The following INF2 variants were observed in gnomAD, a reference collection of about 807,000 sequenced individuals.
INF2 encodes the protein inverted formin-2.
INF2 carries 43 observed loss-of-function variants against 123.5 expected under a neutral mutation model. That is an observed-to-expected ratio of 0.35 (90% CI 0.27 to 0.45). The LOEUF is 0.45. Among genes scored for constraint, INF2 ranks in the 20% least tolerant of loss-of-function variants. The pLI is 1.00. For missense variants in INF2, 1,453 were observed against 1,682.7 expected (o/e 0.86, Z 2.39); for synonymous variants, 851 against 745.0 (o/e 1.14, Z -2.32).
chr14:104,717,065 C>T (rs74091158), intron 22 of INF2, among the ~76,000 whole-genome samples: 3,326 of 152,324 alleles, frequency 0.022, 126 homozygotes, highest in African/African-American at 0.076. Context: ...ACCTTCTCCC[C>T]GAAATTACAA....
At position 104,712,604 on chromosome 14, in the gene INF2, G is replaced by A. The variant is rs760309052; in HGVS notation, c.2610+51G>A. ...TGGCGGGAGAGGCTGCCCTGATAGA[G>A]TGAGCTGGGCGAGTGGCTGTGCTGT... is the stretch of plus-strand genomic sequence containing the variant. On this transcript the variant is annotated intron_variant, in intron 17 of 22. Coordinates refer to ENST00000392634, the MANE Select transcript of INF2 (RefSeq NM_022489.4). The A allele has an allele frequency of 8.1e-6, 13 of 1,610,852 alleles. No individual in the cohort carries two copies. In the East Asian group the frequency reaches 2.9e-4, roughly 36 times the overall value.
intron 15 of INF2, 140 bp downstream of exon 15, chr14:104,711,326 A>G: frequency 5.2e-6 from 4 of 768,278 alleles, no homozygotes; most frequent in South Asian, 4.9e-5. Context: ...TAGAGCCAGC[A>G]GCCTCAGTCA....
Position 104,713,468 on chromosome 14 carries a change from G to A in INF2, c.2902G>A (p.Glu968Lys). The A allele has an allele frequency of 6.2e-7, 1 of 1,611,440 alleles. No homozygotes were observed. The highest frequency in any genetic ancestry group is 8.5e-7 in the Non-Finnish European group (1 of 1,179,370). ...KPVRKGPGKQEEVCVIDALLA... is the reference protein window; with the variant it reads ...KPVRKGPGKQKEVCVIDALLA... ...AGTCAGGAAGGGGCCCGGGAAGCAG[G>A]AGGAGGTGTGTGTCATCGATGCCCT... is the stretch of plus-strand genomic sequence containing the variant. The change falls in exon 20 of 23, where the codon GAG becomes AAG. Residue 968 changes from glutamate (E) to lysine (K), a missense_variant. By Grantham distance (56) the Glu-to-Lys change is moderately conservative. Around this residue, in one of 8 missense-constraint regions of INF2, gnomAD observed 212 missense variants for 266.2 expected, o/e 0.80. Transcript: ENST00000392634.
At chr14:104,697,905 C>T (rs568043290) in intron 1 of INF2, among the ~76,000 whole-genome samples, 13 of 152,034 alleles carry the variant, frequency 8.6e-5, no homozygotes, top group African/African-American at 2.7e-4. Context: ...GTGGATGGGA[C>T]GCCCCTTCTT....
intron 17 of INF2, 76 bp from the exon 18 acceptor site, chr14:104,712,752 C>T (rs917361791): frequency 4.6e-6 from 7 of 1,508,784 alleles, no homozygotes; most frequent in Non-Finnish European, 5.3e-6. Flanking sequence ...CCGTCACCCT[C>T]CCGCAACTCA....
In INF2 at chr14:104,712,441, T is replaced by C. The variant is rs575569437; in HGVS notation, c.2498T>C (p.Leu833Pro). 3.7e-5 allele frequency: 60 copies of C among 1,612,444 alleles called. 1 individual carries two copies. In the Admixed American group the frequency reaches 1.0e-3, roughly 27 times the overall value. Reference sequence around the variant, plus strand: ...CCCTCCTCACCTTTCAGGATCAACCTGGAGATCATCCGCTCAGAGGCCAGC... The same window carrying C: ...CCCTCCTCACCTTTCAGGATCAACCCGGAGATCATCCGCTCAGAGGCCAGC... ...EQPSQAAGIN[L>P]EIIRSEASSN... Residue 833 changes from leucine (L) to proline (P), a missense_variant, in exon 17 of 23, where the codon CTG becomes CCG. Around this residue, in one of 8 missense-constraint regions of INF2, gnomAD observed 212 missense variants for 266.2 expected, o/e 0.80. Transcript: ENST00000392634.
chr14:104,699,251 G>GGACATGC lies in INF2; in HGVS notation c.-9-2106_-9-2105insGACATGC. ...TCTGGATGCCAGGGGCCGGGCCTGG[G>GGACATGC]AGAGTTCATAACTCCGTCCACTCAG... On this transcript the variant is annotated intron_variant, in intron 1 of 22. Transcript: ENST00000392634. This position sits in a 1 kb window ranked among gnomAD's most constrained non-coding sequence, Gnocchi z 4.7. 3.3e-6 allele frequency: 1 copy of GGACATGC among 307,058 alleles called. No individual in the cohort carries two copies. The highest frequency in any genetic ancestry group is 4.8e-6 in the Non-Finnish European group (1 of 209,572). 19.0% of individuals were successfully genotyped at this position (307,058 alleles called of 1,614,324 possible).
At chr14:104,705,993 G>C in intron 5 of INF2, 42 bp from the exon 6 acceptor site, 1 of 1,594,102 alleles carries the variant, frequency 6.3e-7, no homozygotes, top group Non-Finnish European at 8.6e-7. Flanking sequence ...CGTGTTGGTG[G>C]TGGCAGCAGC....
chr14:104,703,318 C>T lies in INF2; in HGVS notation c.531C>T (p.Arg177=). The T allele has an allele frequency of 6.2e-7, 1 of 1,613,194 alleles. No individual in the cohort carries two copies. Among genetic ancestry groups the T allele is most frequent in the Non-Finnish European group, 8.5e-7 (1 of 1,179,962 alleles). Residue 177 remains arginine (R), a synonymous_variant, in exon 4 of 23, where the codon CGC becomes CGT. Transcript: ENST00000392634. ...AGACGGTGTGCAGCCAGCAGTACCGCTTCAGCATTGTCATGAACGAGCTCT... is the reference window on the plus strand; with the variant it reads ...AGACGGTGTGCAGCCAGCAGTACCGTTTCAGCATTGTCATGAACGAGCTCT... ...HYKTVCSQQY[R]FSIVMNELSG...
rs1397008193 is a variant in INF2 at position 104,707,021 on chromosome 14, G to A, written c.955G>A (p.Val319Met). ...QLLWEALESL[V>M]NRAVLLASDA... ...GCTCTGGGAGGCCCTGGAGAGCCTCGTGAACCGGGCCGTGCTCCTGGCCAG... is the reference window on the plus strand; with the variant it reads ...GCTCTGGGAGGCCCTGGAGAGCCTCATGAACCGGGCCGTGCTCCTGGCCAG... The change falls in exon 7 of 23, where the codon GTG becomes ATG. Residue 319 changes from valine to methionine, a missense_variant. Val to Met is a conservative substitution (Grantham distance 21). Coordinates refer to ENST00000392634, the MANE Select transcript of INF2 (RefSeq NM_022489.4). The A allele has an allele frequency of 1.3e-6, 2 of 1,589,336 alleles. No homozygotes were observed. The highest frequency in any genetic ancestry group is 1.1e-5 in the South Asian group (1 of 88,972).
intron 1 of INF2, among the ~76,000 whole-genome samples, chr14:104,700,172 G>C (rs983164633): frequency 6.6e-6 from 1 of 152,162 alleles, no homozygotes; most frequent in Non-Finnish European, 1.5e-5. Flanking sequence ...CTGACTTACC[G>C]GGTTGGGCAG....
chr14:104,681,904 A>G (rs4983523), intron 1 of INF2, among the ~76,000 whole-genome samples: 47,297 of 152,060 alleles, frequency 0.31, 8,318 homozygotes, highest in East Asian at 0.74. Flanking sequence ...AACCGGATGC[A>G]AGTGGAGATT....
chr14:104,698,356 G>A (rs1285717331), intron 1 of INF2, among the ~76,000 whole-genome samples: 1 of 152,248 alleles, frequency 6.6e-6, no homozygotes, highest in African/African-American at 2.4e-5. Context: ...AACAGGCAAG[G>A]CTGTTTTTGC....
In INF2 at chr14:104,703,422, G is replaced by A. The variant is rs753304371; in HGVS notation, c.635G>A (p.Arg212His). 21 of 1,612,788 alleles carry A rather than the reference G, an allele frequency of 1.3e-5. No individual in the cohort carries two copies. Among genetic ancestry groups the A allele is most frequent in the Middle Eastern group, 1.7e-4 (1 of 6,016 alleles). The change falls in exon 4 of 23, where the codon CGC becomes CAC. Residue 212 changes from arginine (R) to histidine (H), a missense_variant. Arg to His is a conservative substitution (Grantham distance 29). Around this residue, in one of 8 missense-constraint regions of INF2, gnomAD observed 251 missense variants for 349.4 expected, o/e 0.72. Transcript: ENST00000392634. ...NAVILGPEDL[R>H]ARTQLRNEFI... ...GTCATCTTGGGCCCCGAGGACCTGCGCGCGCGCACCCAGCTGCGGAACGAG... is the reference window on the plus strand; with the variant it reads ...GTCATCTTGGGCCCCGAGGACCTGCACGCGCGCACCCAGCTGCGGAACGAG...
Position 104,703,900 on chromosome 14 carries a change from G to T in INF2, c.668-16G>T. On this transcript the variant is annotated splice_polypyrimidine_tract_variant and intron_variant, in intron 4 of 22. Coordinates refer to ENST00000392634, the MANE Select transcript of INF2 (RefSeq NM_022489.4). ...AGTGGCCTCCGAACCCTCTGACCCT[G>T]TCCGTCCCTTCCCAGGGCTGCAGCT... 6.2e-7 allele frequency: 1 copy of T among 1,611,094 alleles called. No homozygotes were observed.
At chr14:104,704,013 C>T (rs1889661201) in intron 5 of INF2, 64 bp downstream of exon 5, 6 of 1,601,452 alleles carry the variant, frequency 3.7e-6, no homozygotes, top group Non-Finnish European at 5.1e-6. Flanking sequence ...GGCCCACCTG[C>T]CCTTTGGCTC....
chr14:104,701,371 G>A lies in INF2; in HGVS notation c.6G>A (p.Ser2=), dbSNP rs1467782118. ...TCTGCCTGCAGCTCGGCAAGATGTCGGTGAAGGAGGGCGCACAGCGCAAGT... is the reference window on the plus strand; with the variant it reads ...TCTGCCTGCAGCTCGGCAAGATGTCAGTGAAGGAGGGCGCACAGCGCAAGT... The part of the protein sequence containing the change: M[S]VKEGAQRKWA... The change falls in exon 2 of 23, where the codon TCG becomes TCA. Residue 2 remains serine, a synonymous_variant. Coordinates refer to ENST00000392634, the MANE Select transcript of INF2 (RefSeq NM_022489.4). 3.8e-6 allele frequency: 6 copies of A among 1,580,880 alleles called. No homozygotes were observed. In the African/African-American group the frequency reaches 6.7e-5, roughly 18 times the overall value.
chr14:104,693,690 G>A (rs1440808196), intron 1 of INF2, among the ~76,000 whole-genome samples: 4 of 152,198 alleles, frequency 2.6e-5, no homozygotes, highest in Non-Finnish European at 5.9e-5. Flanking sequence ...GGGTTTGTTC[G>A]TGCCTGAGCT....
chr14:104,712,994 TG>T lies in INF2; in HGVS notation c.2775+6del. 1 of 1,612,210 alleles carries T rather than the reference TG, an allele frequency of 6.2e-7. No homozygotes were observed. The highest frequency in any genetic ancestry group is 8.5e-7 in the Non-Finnish European group (1 of 1,179,720). ...GACCTTTTCCTCCGCGCCCTGAAGG[TG>T]GGGCAGCCCGGCGGGACACAGCCTG... On this transcript the variant is annotated splice_donor_region_variant and intron_variant, in intron 18 of 22. Transcript: ENST00000392634.
Sources: allele counts gnomAD v4.1 joint callset (sites outside exome capture counted in the v4.1 genomes callset), GRCh38; gene constraint gnomAD v4.1.1; regional missense constraint gnomAD v4.1.1; non-coding constraint Gnocchi (gnomAD v3.1); transcripts MANE v1.5; gene names NCBI Gene and HGNC (gene_info 2026-07-23, HGNC 2026-07-21).